Variants in AKAP6 observed in about 807,000 individuals in gnomAD.
The protein encoded by AKAP6 is A-kinase anchoring protein 6.
A neutral mutation model predicts 188.5 loss-of-function variants in AKAP6; 58 were observed. That is an observed-to-expected ratio of 0.31 (90% confidence interval 0.25 to 0.38). The LOEUF (loss-of-function observed/expected upper bound fraction) is 0.38, where lower values mean the gene tolerates loss of function less well. AKAP6 is among the 10% of genes least tolerant of loss of function. AKAP6 has a pLI of 1.00. For missense variants in AKAP6, 2,710 were observed against 2,740.0 expected (o/e 0.99, Z 0.24); for synonymous variants, 989 against 998.6 (o/e 0.99, Z 0.18).
intron 1 of AKAP6, among the ~76,000 whole-genome samples, chr14:32,415,596 C>T (rs1385736131): frequency 1.3e-5 from 2 of 152,142 alleles, no homozygotes. Context: ...TAACTACATT[C>T]ATCGTATCGT....
At chr14:32,609,364 C>T (rs1252857404) in intron 7 of AKAP6, among the ~76,000 whole-genome samples, 1 of 152,136 alleles carries the variant, frequency 6.6e-6, no homozygotes, top group African/African-American at 2.4e-5. Context: ...AGGTACTGTA[C>T]TGCTCTTTGC....
chr14:32,631,348 G>A (rs535959322), intron 7 of AKAP6, among the ~76,000 whole-genome samples: 46 of 152,034 alleles, frequency 3.0e-4, no homozygotes, highest in South Asian at 2.1e-3. Context: ...TATATTTATC[G>A]ATTTTCCACT....
intron 2 of AKAP6, among the ~76,000 whole-genome samples, chr14:32,527,239 A>G (rs1882177737): frequency 6.6e-6 from 1 of 152,198 alleles, no homozygotes; most frequent in South Asian, 2.1e-4. Flanking sequence ...ATATACATTT[A>G]AGGTTCCTCA....
At chr14:32,638,182 A>G (rs1224609549) in intron 7 of AKAP6, among the ~76,000 whole-genome samples, 3 of 151,912 alleles carry the variant, frequency 2.0e-5, no homozygotes, top group Admixed American at 6.6e-5. Flanking sequence ...TCAAGGGGGA[A>G]TATGAGCTGG....
At chr14:32,360,985 G>T (rs1406071098) in intron 1 of AKAP6, among the ~76,000 whole-genome samples, 1 of 151,182 alleles carries the variant, frequency 6.6e-6, no homozygotes, top group Non-Finnish European at 1.5e-5. Context: ...CTGGGCTCAA[G>T]TGATCCTTCT....
chr14:32,824,368 T>C lies in AKAP6; in HGVS notation c.6555T>C (p.Ala2185=). ...ATGAATCTGCAGTTCCCAGCGAAGC[T>C]GCAATGCCACTACAAGCAACAGCAT... ...PPNESAVPSE[A]AMPLQATACS... Residue 2185 remains alanine (A), a synonymous_variant, in exon 13 of 14, where the codon GCT becomes GCC. Coordinates refer to ENST00000280979, the MANE Select transcript of AKAP6 (RefSeq NM_004274.5). 1 of 1,613,972 alleles carries C rather than the reference T, an allele frequency of 6.2e-7. No homozygotes were observed.
chr14:32,828,060 C>G (rs2034719360), intron 13 of AKAP6, among the ~76,000 whole-genome samples: 1 of 152,058 alleles, frequency 6.6e-6, no homozygotes, highest in Non-Finnish European at 1.5e-5. Flanking sequence ...AGCTTTATTG[C>G]CTTTTCTACT....
intron 4 of AKAP6, among the ~76,000 whole-genome samples, chr14:32,549,977 G>C (rs1220937307): frequency 6.6e-6 from 1 of 152,256 alleles, no homozygotes; most frequent in Non-Finnish European, 1.5e-5. Context: ...GATCAGGCAA[G>C]AGGAAGGGAG....
At chr14:32,583,680 C>T (rs1225085696) in intron 5 of AKAP6, among the ~76,000 whole-genome samples, 3 of 152,204 alleles carry the variant, frequency 2.0e-5, no homozygotes, top group Admixed American at 6.5e-5. Context: ...TGGGCAATGG[C>T]GGGTGCCCCT....
At chr14:32,800,780 C>G (rs181234575) in intron 12 of AKAP6, among the ~76,000 whole-genome samples, 1 of 152,102 alleles carries the variant, frequency 6.6e-6, no homozygotes, top group Admixed American at 6.6e-5. Flanking sequence ...TTTGGGAGGC[C>G]AAAGTGTCCA....
chr14:32,363,486 G>T (rs1325507621), intron 1 of AKAP6, among the ~76,000 whole-genome samples: 1 of 152,160 alleles, frequency 6.6e-6, no homozygotes, highest in Non-Finnish European at 1.5e-5. Flanking sequence ...AGCCAATAGT[G>T]CAGCCTTCAG....
chr14:32,559,417 AT>A (rs1264210539), intron 4 of AKAP6, among the ~76,000 whole-genome samples: 1 of 152,212 alleles, frequency 6.6e-6, no homozygotes, highest in Non-Finnish European at 1.5e-5. Flanking sequence ...ACATCTCCCA[AT>A]TTTTAGATGT....
At chr14:32,720,836 A>G (rs2030492945) in intron 9 of AKAP6, among the ~76,000 whole-genome samples, 1 of 152,126 alleles carries the variant, frequency 6.6e-6, no homozygotes, top group Non-Finnish European at 1.5e-5. Context: ...CAGCCTGGGC[A>G]ACACAGCAAG....
chr14:32,412,598 A>T (rs908257930), intron 1 of AKAP6, among the ~76,000 whole-genome samples: 7 of 152,224 alleles, frequency 4.6e-5, no homozygotes, highest in Non-Finnish European at 1.0e-4. Flanking sequence ...ATTTTATCAG[A>T]TGCCATAGCC....
Position 32,458,412 on chromosome 14 carries a change from A to G in AKAP6, c.324+24595A>G, listed in dbSNP as rs537776502. Among the ~76,000 whole-genome samples the G allele has an allele frequency of 3.3e-5, 5 of 152,266 alleles. No individual in the cohort carries two copies. In the South Asian group the frequency reaches 8.3e-4, roughly 25 times the overall value. Reference sequence around the variant, plus strand: ...GGTAATGATGTTACCTAATTTTTGCAGATGACAGAAGCTGTATAATTATAT... The same window carrying G: ...GGTAATGATGTTACCTAATTTTTGCGGATGACAGAAGCTGTATAATTATAT... On this transcript the variant is annotated intron_variant, in intron 2 of 13. Coordinates refer to ENST00000280979, the MANE Select transcript of AKAP6 (RefSeq NM_004274.5).
chr14:32,789,090 G>A (rs1325550621), intron 12 of AKAP6, among the ~76,000 whole-genome samples: 1 of 151,560 alleles, frequency 6.6e-6, no homozygotes, highest in Non-Finnish European at 1.5e-5. Context: ...AATGCAGCAC[G>A]GCTGCCTTGC....
chr14:32,371,999 C>CT lies in AKAP6; in HGVS notation c.-35+42600dup, dbSNP rs533595622. Among the ~76,000 whole-genome samples, 35 of 150,846 alleles carry CT rather than the reference C, an allele frequency of 2.3e-4. No individual in the cohort carries two copies. In the South Asian group the frequency reaches 5.3e-3, roughly 23 times the overall value. ...CTTCCTCCCTTCTCTCCTTCCTTCT[C>CT]TTTTTTTTTCCCTACACATATTTAT... On this transcript the variant is annotated intron_variant, in intron 1 of 13. Transcript: ENST00000280979.
chr14:32,714,890 A>C (rs1285465760), intron 9 of AKAP6, among the ~76,000 whole-genome samples: 3 of 151,888 alleles, frequency 2.0e-5, no homozygotes, highest in Non-Finnish European at 4.4e-5. Context: ...GACTAAAGAC[A>C]TTTAGCTGTC....
rs745787183 is a variant in AKAP6 at position 32,546,771 on chromosome 14, T to A, written c.2118T>A (p.Ser706=). 1 of 1,614,150 alleles carries A rather than the reference T, an allele frequency of 6.2e-7. No individual in the cohort carries two copies. Among genetic ancestry groups the A allele is most frequent in the Non-Finnish European group, 8.5e-7 (1 of 1,180,020 alleles). Residue 706 remains serine, a synonymous_variant, in exon 4 of 14, where the codon TCT becomes TCA. Coordinates refer to ENST00000280979, the MANE Select transcript of AKAP6 (RefSeq NM_004274.5). ...VSPSSSSDIA[S]SLGESIESGP... is the part of the protein sequence containing the mutation. ...CAAGCTCATCTAGTGACATAGCCTC[T>A]TCACTAGGGGAGAGCATTGAATCTG...
Sources: allele counts gnomAD v4.1 joint callset (sites outside exome capture counted in the v4.1 genomes callset), GRCh38; gene constraint gnomAD v4.1.1; transcripts MANE v1.5; gene names NCBI Gene and HGNC (gene_info 2026-07-23, HGNC 2026-07-21).